Variants in KDM6A observed in about 807,000 individuals in gnomAD.
The protein encoded by KDM6A is lysine demethylase 6A, also known as lysine-specific demethylase 6A.
In KDM6A, 11 loss-of-function variants were observed where a neutral mutation model predicts 117.6. That is an observed-to-expected ratio of 0.09 (90% CI 0.06 to 0.15). The LOEUF (loss-of-function observed/expected upper bound fraction) is 0.15, where lower values mean the gene tolerates loss of function less well. Ranked by LOEUF, KDM6A falls within the 10% of genes least tolerant of loss-of-function variation. The pLI is 1.00. For missense variants in KDM6A, 799 were observed against 1,077.3 expected, an observed-to-expected ratio of 0.74 and a Z score of 3.62; for synonymous variants, 384 against 396.1, an observed-to-expected ratio of 0.97 and a Z score of 0.36.
rs766544076 is a variant in KDM6A, at chrX:45,045,671, A to G, written c.655-6038A>G. 4.5e-5 allele frequency among the ~76,000 whole-genome samples: 5 copies of G among 110,552 alleles called. No homozygotes were observed. The South Asian group carries it at 1.9e-3, about 42-fold the overall frequency. The stretch of plus-strand genomic sequence containing the variant: ...TTATTTCACTTAGCATAATGTCTAT[A>G]TGGTTTAGCATGTGTCAGAATTCCA... On this transcript the variant is annotated intron_variant, in intron 8 of 29. Coordinates refer to ENST00000611820, the MANE Select transcript of KDM6A (RefSeq NM_001291415.2).
At chrX:45,038,784 A>T (rs1182425055) in intron 8 of KDM6A, among the ~76,000 whole-genome samples, 1 of 111,475 alleles carries the variant, frequency 9.0e-6, no homozygotes, top group Non-Finnish European at 1.9e-5. Flanking sequence ...AAAAAGTATA[A>T]CACGTTCATT....
At chrX:44,946,344 G>A (rs953949928) in intron 2 of KDM6A, among the ~76,000 whole-genome samples, 2 of 111,755 alleles carry the variant, frequency 1.8e-5, no homozygotes, top group African/African-American at 3.3e-5. Flanking sequence ...GCCTGCCTCA[G>A]CCTCCTAGAG....
intron 5 of KDM6A, among the ~76,000 whole-genome samples, chrX:45,013,086 G>C (rs2041832894): frequency 9.0e-6 from 1 of 111,478 alleles, no homozygotes; most frequent in Middle Eastern, 4.2e-3. Flanking sequence ...AGTAGTCTTA[G>C]AGATAATTTA....
intron 2 of KDM6A, among the ~76,000 whole-genome samples, chrX:44,895,869 T>C (rs1204024957): frequency 1.8e-5 from 2 of 108,153 alleles, no homozygotes; most frequent in African/African-American, 6.7e-5. Context: ...TTATGGGTTA[T>C]CTTAATATAT....
At position 45,087,741 on chromosome X, in the gene KDM6A, G is replaced by A. The variant is rs1354392967; in HGVS notation, c.3704+1762G>A. Among the ~76,000 whole-genome samples, 7 of 111,952 alleles carry A rather than the reference G, an allele frequency of 6.3e-5. No homozygotes were observed. In the East Asian group the frequency reaches 2.0e-3, roughly 31 times the overall value. ...GTGTAGTTTTGTTTCCTATCTAAAT[G>A]GAGAGGTGTCTTGGGAAAAAAGATA... On this transcript the variant is annotated intron_variant, in intron 25 of 29. Transcript: ENST00000611820.
chrX:44,956,593 G>A (rs928778935), intron 2 of KDM6A, among the ~76,000 whole-genome samples: 6 of 110,321 alleles, frequency 5.4e-5, no homozygotes, highest in Non-Finnish European at 1.1e-4. Context: ...TTGTAGAGAC[G>A]AGGCCTCGCT....
intron 2 of KDM6A, among the ~76,000 whole-genome samples, chrX:44,899,224 C>CTTGT (rs1186693026): frequency 2.0e-5 from 1 of 49,277 alleles, no homozygotes; most frequent in African/African-American, 8.3e-5. Context: ...TGTGTGTATG[C>CTTGT]GTGTGTGTGT....
At chrX:45,070,678 C>T (rs1283731752) in intron 18 of KDM6A, among the ~76,000 whole-genome samples, 5 of 108,941 alleles carry the variant, frequency 4.6e-5, no homozygotes, top group African/African-American at 1.7e-4. Flanking sequence ...CATATTTGGC[C>T]AAATACAGCA....
intron 2 of KDM6A, among the ~76,000 whole-genome samples, chrX:44,897,197 A>G (rs142500122): frequency 4.8e-4 from 36 of 74,599 alleles, no homozygotes; most frequent in African/African-American, 1.8e-3. Context: ...AATTCTACTG[A>G]TTGGTTCACT....
chrX:44,999,278 T>C (rs760194958), intron 4 of KDM6A, among the ~76,000 whole-genome samples: 2 of 112,272 alleles, frequency 1.8e-5, no homozygotes, highest in African/African-American at 6.5e-5. Flanking sequence ...CCCTTACAGA[T>C]AGAGCAATGG....
At chrX:44,946,268 T>C (rs1335335142) in intron 2 of KDM6A, among the ~76,000 whole-genome samples, 1 of 110,976 alleles carries the variant, frequency 9.0e-6, no homozygotes, top group Admixed American at 9.6e-5. Context: ...TTTTTGTATT[T>C]TTAGTAGAGA....
At chrX:44,986,404 A>G (rs11091132) in intron 4 of KDM6A, among the ~76,000 whole-genome samples, 38,892 of 109,737 alleles carry the variant, frequency 0.35, 7,643 homozygotes, top group African/African-American at 0.75. Context: ...TGGTGTCTCT[A>G]TTTCCTTCAG....
At position 45,080,997 on chromosome X, in the gene KDM6A, A is replaced by G. The variant is rs1217450412; in HGVS notation, c.3301-1579A>G. On this transcript the variant is annotated intron_variant, in intron 21 of 29. Transcript: ENST00000611820. ...GCCCAGGCTGGAGTGCAACGGCATG[A>G]TCTCGGCTCACTGCAACCTCCGCCT... is the stretch of plus-strand genomic sequence containing the variant. 3.6e-5 allele frequency among the ~76,000 whole-genome samples: 4 copies of G among 112,227 alleles called. No individual in the cohort carries two copies. The East Asian group carries it at 1.1e-3, about 32-fold the overall frequency.
intron 4 of KDM6A, among the ~76,000 whole-genome samples, chrX:44,997,320 C>T (rs1247399158): frequency 3.6e-5 from 4 of 112,165 alleles, no homozygotes; most frequent in Non-Finnish European, 7.5e-5. Context: ...AGGGAGATGG[C>T]TGCTTGGCAG....
At chrX:44,893,994 A>G (rs2033597798) in intron 2 of KDM6A, among the ~76,000 whole-genome samples, 1 of 112,029 alleles carries the variant, frequency 8.9e-6, no homozygotes, top group South Asian at 3.7e-4. Context: ...CCAATTGGTC[A>G]TGGCATATAC....
At chrX:45,025,384 A>T (rs980622323) in intron 6 of KDM6A, among the ~76,000 whole-genome samples, 5 of 111,888 alleles carry the variant, frequency 4.5e-5, no homozygotes, top group African/African-American at 1.6e-4. Flanking sequence ...GCTGGTCTCG[A>T]ACTTCTGACC....
intron 4 of KDM6A, among the ~76,000 whole-genome samples, chrX:45,000,404 T>C (rs951770415): frequency 9.0e-6 from 1 of 111,704 alleles, no homozygotes; most frequent in Non-Finnish European, 1.9e-5. Context: ...CACTGTACGA[T>C]GTCTTATTTT....
intron 2 of KDM6A, among the ~76,000 whole-genome samples, chrX:44,936,982 G>A (rs1389102043): frequency 9.0e-6 from 1 of 111,531 alleles, no homozygotes; most frequent in Non-Finnish European, 1.9e-5. Context: ...GTTCATAGAA[G>A]AGAAAGGTTT....
chrX:45,014,720 T>TG (rs1209188534), intron 5 of KDM6A, among the ~76,000 whole-genome samples: 6 of 111,800 alleles, frequency 5.4e-5, no homozygotes, highest in Non-Finnish European at 1.1e-4. Context: ...AAAAGATAGT[T>TG]GGGGGAAAAG....
Sources: allele counts gnomAD v4.1 joint callset (sites outside exome capture counted in the v4.1 genomes callset), GRCh38; gene constraint gnomAD v4.1.1; transcripts MANE v1.5; gene names NCBI Gene and HGNC (gene_info 2026-07-23, HGNC 2026-07-21).